The following XRN2 variants were observed in gnomAD, a reference collection of about 807,000 sequenced individuals.
XRN2 encodes the protein DHM1-like protein.
A neutral mutation model predicts 138.5 loss-of-function variants in XRN2; 44 were observed. The ratio of observed to expected loss-of-function variants is 0.32; its 90% CI spans 0.25 to 0.41. XRN2 has a LOEUF of 0.41. Among genes scored for constraint, XRN2 ranks in the 10% least tolerant of loss-of-function variants. The pLI is 1.00. For synonymous variants in XRN2, 354 were observed against 369.4 expected, an observed-to-expected ratio of 0.96 and a Z score of 0.48; for missense variants, 937 against 1,169.3, an observed-to-expected ratio of 0.80 and a Z score of 2.90.
chr20:21,331,684 A>G, intron 7 of XRN2, 51 bp downstream of exon 7: 6 of 1,597,540 alleles, frequency 3.8e-6, no homozygotes, highest in Non-Finnish European at 3.4e-6. Flanking sequence ...TTAAAAAGCC[A>G]TTGCATAGAA....
chr20:21,338,460 CCTTT>C (rs1414453264), intron 13 of XRN2, among the ~76,000 whole-genome samples: 3 of 152,134 alleles, frequency 2.0e-5, no homozygotes, highest in African/African-American at 7.2e-5. Context: ...CAATTTCCTT[CCTTT>C]TTTTCCATCG....
chr20:21,351,761 A>G (rs183749635), intron 20 of XRN2, among the ~76,000 whole-genome samples: 1 of 152,324 alleles, frequency 6.6e-6, no homozygotes, highest in Admixed American at 6.5e-5. Flanking sequence ...TAATTTTTGT[A>G]TATGGTGTAA....
At chr20:21,320,839 C>T (rs6047377) in intron 1 of XRN2, among the ~76,000 whole-genome samples, 103,085 of 151,900 alleles carry the variant, frequency 0.68, 35,702 homozygotes, top group South Asian at 0.83. Flanking sequence ...GTAGATCTTT[C>T]CAGGAATTAG....
intron 27 of XRN2, among the ~76,000 whole-genome samples, chr20:21,372,445 G>A (rs2038773716): frequency 6.6e-6 from 1 of 151,958 alleles, no homozygotes; most frequent in Non-Finnish European, 1.5e-5. Context: ...TATGAGGGGA[G>A]GAGAGCTAAT....
At chr20:21,311,877 A>T (rs557266950) in intron 1 of XRN2, among the ~76,000 whole-genome samples, 3 of 151,998 alleles carry the variant, frequency 2.0e-5, no homozygotes, top group African/African-American at 7.2e-5. Flanking sequence ...ACACCTATAA[A>T]CCCAGCTACT....
At position 21,389,360 on chromosome 20, in the gene XRN2, A is replaced by G. The variant is rs1364766825; in HGVS notation, c.*22A>G. The stretch of plus-strand genomic sequence containing the variant: ...TTAAGCTTTTGTAAAGCTTTCCCAA[A>G]TCCTTTCATCATTCTACAGTTTTAT... On this transcript the variant is annotated 3_prime_UTR_variant, in exon 30 of 30. Transcript: ENST00000377191. 3 of 1,602,162 alleles carry G rather than the reference A, an allele frequency of 1.9e-6. No individual in the cohort carries two copies. In the South Asian group the frequency reaches 3.4e-5, roughly 18 times the overall value.
Position 21,387,010 on chromosome 20 carries a change from A to C in XRN2, c.2787+4A>C, listed in dbSNP as rs781170082. ...AGATGATCGTGGAGGGAGACAGGTA[A>C]ATGGTTGTGGGATGAAAAGTATACT... On this transcript the variant is annotated splice_donor_region_variant and intron_variant, in intron 29 of 29. Transcript: ENST00000377191. The C allele has an allele frequency of 3.6e-5, 58 of 1,605,152 alleles. No individual in the cohort carries two copies. In the East Asian group the frequency reaches 1.1e-3, roughly 32 times the overall value.
chr20:21,333,899 A>G (rs771845564), intron 11 of XRN2, 38 bp from the exon 12 acceptor site: 9 of 1,613,996 alleles, frequency 5.6e-6, no homozygotes, highest in Non-Finnish European at 7.6e-6. Flanking sequence ...TACTGTGCCT[A>G]CTGGTCCTAA....
rs750328521 is a variant in XRN2 at position 21,339,093 on chromosome 20, G to A, written c.1278+5G>A. The A allele has an allele frequency of 1.9e-6, 3 of 1,603,782 alleles. No individual in the cohort carries two copies. In the Admixed American group the frequency reaches 5.1e-5, roughly 27 times the overall value. ...GAAAAAAGAAAGAGAATGAAGGTGA[G>A]TTTTAATTAATTTCATGAGATTGGC... On this transcript the variant is annotated splice_donor_5th_base_variant and intron_variant, in intron 14 of 29. Transcript: ENST00000377191.
At chr20:21,385,047 T>C (rs1735819004) in intron 28 of XRN2, among the ~76,000 whole-genome samples, 1 of 152,242 alleles carries the variant, frequency 6.6e-6, no homozygotes, top group Non-Finnish European at 1.5e-5. Context: ...AAATTATATT[T>C]GTCAAAAACA....
Position 21,346,398 on chromosome 20 carries a change from G to A in XRN2, c.1530-17G>A. 4 of 1,613,710 alleles carry A rather than the reference G, an allele frequency of 2.5e-6. No individual in the cohort carries two copies. The highest frequency in any genetic ancestry group is 2.2e-5 in the East Asian group (1 of 44,866). On this transcript the variant is annotated splice_polypyrimidine_tract_variant and intron_variant, in intron 16 of 29. Transcript: ENST00000377191. ...AGGTGTGTTAATTCAGCATAAATGA[G>A]CTGTGCCTGGTTTTAGGTTATGGGA...
At chr20:21,373,496 C>CAA (rs2038785130) in intron 27 of XRN2, among the ~76,000 whole-genome samples, 1 of 152,194 alleles carries the variant, frequency 6.6e-6, no homozygotes, top group South Asian at 2.1e-4. Context: ...AGTGGAATTG[C>CAA]AAGACTGTAG....
At chr20:21,330,958 T>C (rs2038199347) in intron 6 of XRN2, among the ~76,000 whole-genome samples, 1 of 152,180 alleles carries the variant, frequency 6.6e-6, no homozygotes, top group South Asian at 2.1e-4. Flanking sequence ...GGATTCATAA[T>C]TTAAAAAATA....
intron 27 of XRN2, among the ~76,000 whole-genome samples, chr20:21,379,002 T>C (rs56663160): frequency 0.032 from 4,835 of 152,288 alleles, 254 homozygotes; most frequent in African/African-American, 0.11. Context: ...GTGACTTCTC[T>C]TCATTTTAGT....
intron 29 of XRN2, among the ~76,000 whole-genome samples, chr20:21,388,253 C>T (rs1201150997): frequency 2.0e-5 from 3 of 152,338 alleles, no homozygotes; most frequent in East Asian, 1.9e-4. Flanking sequence ...GACCCCAGTT[C>T]ATCCATTTTC....
chr20:21,370,444 AAG>A (rs1395779828), intron 27 of XRN2, among the ~76,000 whole-genome samples: 17 of 152,214 alleles, frequency 1.1e-4, no homozygotes, highest in African/African-American at 4.1e-4. Context: ...AGGCAAAAAA[AAG>A]TATGAGGAAA....
chr20:21,350,525 CAAAAAAAAAAAA>C (rs11484426), intron 20 of XRN2, among the ~76,000 whole-genome samples: 935 of 58,982 alleles, frequency 0.016, 19 homozygotes, highest in African/African-American at 0.054. Context: ...GACTCCGTCT[CAAAAAAAAAAAA>C]AAAAAAAAAA....
intron 20 of XRN2, among the ~76,000 whole-genome samples, chr20:21,351,309 G>T (rs965717144): frequency 1.3e-5 from 2 of 152,082 alleles, no homozygotes; most frequent in Non-Finnish European, 2.9e-5. Flanking sequence ...GGTATGAATG[G>T]TATTTCATTG....
At chr20:21,350,734 G>GAGA (rs1568585624) in intron 20 of XRN2, among the ~76,000 whole-genome samples, 3 of 151,562 alleles carry the variant, frequency 2.0e-5, no homozygotes, top group African/African-American at 7.3e-5. Context: ...AATGACTTAC[G>GAGA]GAGAATCTTG....
Sources: gnomAD v4.1 joint callset for allele counts (sites outside exome capture counted in the v4.1 genomes callset) on GRCh38, gnomAD v4.1.1 for gene constraint, MANE v1.5 for transcripts, NCBI Gene and HGNC (gene_info 2026-07-23, HGNC 2026-07-21) for gene names.